Variants in ELFN1 observed in about 807,000 individuals in gnomAD.
The protein encoded by ELFN1 is protein ELFN1.
A neutral mutation model predicts 7.6 loss-of-function variants in ELFN1; 6 were observed. The observed-to-expected ratio is 0.79, with a 90% CI of 0.43 to 1.56. ELFN1 has a LOEUF of 1.56. ELFN1 is among the 40% of genes most tolerant of loss of function. ELFN1 has a pLI of 0.01. For synonymous variants in ELFN1, 657 were observed against 588.1 expected, an observed-to-expected ratio of 1.12 and a Z score of -1.70; for missense variants, 1,169 against 1,232.2, an observed-to-expected ratio of 0.95 and a Z score of 0.77.
At chr7:1,707,532 G>A (rs1257979437) in intron 2 of ELFN1, among the ~76,000 whole-genome samples, 1 of 152,240 alleles carries the variant, frequency 6.6e-6, no homozygotes, top group African/African-American at 2.4e-5. Flanking sequence ...GCAGGACCAA[G>A]CAAAGGAAGC....
chr7:1,678,852 G>C (rs2128575709), intron 1 of ELFN1, among the ~76,000 whole-genome samples: 1 of 152,346 alleles, frequency 6.6e-6, no homozygotes, highest in East Asian at 1.9e-4. Context: ...GCGAAATCGG[G>C]AGTGTGGGGT....
intron 3 of ELFN1, among the ~76,000 whole-genome samples, chr7:1,714,976 G>C (rs1017190774): frequency 6.6e-6 from 1 of 152,204 alleles, no homozygotes; most frequent in Non-Finnish European, 1.5e-5. Flanking sequence ...ATGGCCTCAG[G>C]ATGGCTGCCA....
At chr7:1,701,978 A>G (rs947761912) in intron 2 of ELFN1, among the ~76,000 whole-genome samples, 2 of 152,022 alleles carry the variant, frequency 1.3e-5, no homozygotes, top group African/African-American at 2.4e-5. Context: ...TATTCAATTT[A>G]TTGAAAAGTT....
At chr7:1,700,031 G>A (rs1335130952) in intron 2 of ELFN1, among the ~76,000 whole-genome samples, 4 of 152,150 alleles carry the variant, frequency 2.6e-5, no homozygotes, top group African/African-American at 9.7e-5. Flanking sequence ...AAACTTTGGT[G>A]GTTTCCATTT....
intron 2 of ELFN1, among the ~76,000 whole-genome samples, chr7:1,707,981 G>C (rs562979772): frequency 6.6e-6 from 1 of 152,232 alleles, no homozygotes; most frequent in East Asian, 1.9e-4. Flanking sequence ...CAGCCTCCAG[G>C]GGCGCGGATG....
At chr7:1,702,334 G>A (rs368722156) in intron 2 of ELFN1, among the ~76,000 whole-genome samples, 1 of 152,094 alleles carries the variant, frequency 6.6e-6, no homozygotes, top group South Asian at 2.1e-4. Context: ...TGAGGCAGGA[G>A]AATGGTGTGA....
At chr7:1,674,764 C>A (rs1432261038) in intron 1 of ELFN1, among the ~76,000 whole-genome samples, 5 of 152,266 alleles carry the variant, frequency 3.3e-5, no homozygotes, top group African/African-American at 1.2e-4. Context: ...CCAGTGCCCC[C>A]ACATGAGGCT....
Position 1,739,996 on chromosome 7 carries a change from C to T in ELFN1, c.-293-4308C>T, listed in dbSNP as rs915287991. Among the ~76,000 whole-genome samples, 34 of 152,232 alleles carry T rather than the reference C, an allele frequency of 2.2e-4. No individual in the cohort carries two copies. The highest frequency in any genetic ancestry group is 4.0e-4 in the Non-Finnish European group (27 of 68,030). ...ACTACGAGTTCCAATACGGCAGCTA[C>T]TAGCCACGTTTCTGGCACTCCAGAG... On this transcript the variant is annotated intron_variant, in intron 3 of 3. Coordinates refer to ENST00000424383, the MANE Select transcript of ELFN1 (RefSeq NM_001128636.4). This position sits in a 1 kb window ranked among gnomAD's most constrained non-coding sequence, Gnocchi z 4.6.
At chr7:1,698,680 C>T (rs574798039) in intron 2 of ELFN1, among the ~76,000 whole-genome samples, 64 of 152,306 alleles carry the variant, frequency 4.2e-4, no homozygotes, top group South Asian at 4.1e-4. Context: ...ACTGTGGCTC[C>T]ACCATGCAAG....
At chr7:1,697,818 T>A (rs1779349936) in intron 2 of ELFN1, among the ~76,000 whole-genome samples, 1 of 152,200 alleles carries the variant, frequency 6.6e-6, no homozygotes, top group African/African-American at 2.4e-5. Context: ...AGGGTCTCTC[T>A]CTTTCGCCCA....
At chr7:1,718,206 C>T (rs1261681782) in intron 3 of ELFN1, among the ~76,000 whole-genome samples, 2 of 152,200 alleles carry the variant, frequency 1.3e-5, no homozygotes, top group African/African-American at 2.4e-5. Context: ...CACTCACGTC[C>T]CGTTGGCTAG....
In ELFN1 at chr7:1,740,403, C is replaced by T. The variant is rs1229429965; in HGVS notation, c.-293-3901C>T. ...GACAGTAACGCCCATGCGGGGTCTC[C>T]GCACCTGCCCTCCGTGCCAGACAGC... On this transcript the variant is annotated intron_variant, in intron 3 of 3. Transcript: ENST00000424383. This position sits in a 1 kb window ranked among gnomAD's most constrained non-coding sequence, Gnocchi z 5.0. Among the ~76,000 whole-genome samples the T allele has an allele frequency of 3.9e-5, 6 of 152,224 alleles. 1 individual carries two copies. The highest frequency in any genetic ancestry group is 4.1e-4 in the South Asian group (2 of 4,836).
intron 1 of ELFN1, among the ~76,000 whole-genome samples, chr7:1,682,521 G>A (rs1284006207): frequency 6.6e-6 from 1 of 151,896 alleles, no homozygotes; most frequent in African/African-American, 2.4e-5. Context: ...GCTCACTGAA[G>A]CCTCGAATTC....
At chr7:1,679,644 G>A (rs1260320907) in intron 1 of ELFN1, among the ~76,000 whole-genome samples, 5 of 152,226 alleles carry the variant, frequency 3.3e-5, no homozygotes, top group Non-Finnish European at 7.4e-5. Context: ...CCTGTGCACT[G>A]GAGCTGCTAA....
intron 3 of ELFN1, among the ~76,000 whole-genome samples, chr7:1,717,989 A>C (rs1779886283): frequency 6.6e-6 from 1 of 152,202 alleles, no homozygotes; most frequent in South Asian, 2.1e-4. Context: ...TTTAAATAAG[A>C]TAGAAGTTTA....
chr7:1,682,229 T>G (rs1376844890), intron 1 of ELFN1, among the ~76,000 whole-genome samples: 1 of 152,234 alleles, frequency 6.6e-6, no homozygotes, highest in Non-Finnish European at 1.5e-5. Flanking sequence ...TCTAGGACGT[T>G]TATAGCCTTA....
intron 3 of ELFN1, among the ~76,000 whole-genome samples, chr7:1,717,663 C>A (rs150728924): frequency 6.6e-6 from 1 of 152,110 alleles, no homozygotes; most frequent in Admixed American, 6.5e-5. Context: ...GAGTGGCCTT[C>A]TAGGAAAGAA....
At position 1,747,031 on chromosome 7, in the gene ELFN1, T is replaced by C. The variant is rs1477835174; in HGVS notation, c.2435T>C (p.Leu812Pro). ...GTTCAGTTCGCCAAAGACGAGGATC[T>C]GCACGACATCCTGGACTACTGGAAG... is the stretch of plus-strand genomic sequence containing the variant. Reference protein sequence around the residue: ...KKVQFAKDEDLHDILDYWKGV... With the variant: ...KKVQFAKDEDPHDILDYWKGV... Residue 812 changes from leucine (L) to proline (P), a missense_variant, in exon 4 of 4, where the codon CTG becomes CCG. Transcript: ENST00000424383. The C allele has an allele frequency of 6.4e-7, 1 of 1,553,662 alleles. No homozygotes were observed. The highest frequency in any genetic ancestry group is 8.7e-7 in the Non-Finnish European group (1 of 1,148,180).
rs115745585 is a variant in ELFN1 at position 1,746,438 on chromosome 7, C to T, written c.1842C>T (p.Pro614=). ...PLAAKHGFLA[P]GYKDAFGHSL... is the part of the protein sequence containing the mutation. ...CCGCCAAGCACGGCTTCCTGGCGCCCGGGTACAAGGACGCCTTCGGCCACA... is the reference window on the plus strand; with the variant it reads ...CCGCCAAGCACGGCTTCCTGGCGCCTGGGTACAAGGACGCCTTCGGCCACA... The change falls in exon 4 of 4, where the codon CCC becomes CCT. Residue 614 remains proline (P), a synonymous_variant. Transcript: ENST00000424383. 774 of 1,530,640 alleles carry T rather than the reference C, an allele frequency of 5.1e-4. 1 individual carries two copies. In the African/African-American group the frequency reaches 9.2e-3, roughly 18 times the overall value. The allele number at this position is 1,530,640 out of a possible 1,614,324, so 94.8% of individuals were successfully genotyped here.
Sources: allele counts gnomAD v4.1 joint callset (sites outside exome capture counted in the v4.1 genomes callset), GRCh38; gene constraint gnomAD v4.1.1; non-coding constraint Gnocchi (gnomAD v3.1); transcripts MANE v1.5; gene names NCBI Gene and HGNC (gene_info 2026-07-23, HGNC 2026-07-21).